Variants in PHACTR1 observed in about 807,000 individuals in gnomAD.
The protein encoded by PHACTR1 is RPEL repeat containing 1.
Under a neutral mutation model 69.2 loss-of-function variants are expected in PHACTR1, and 16 were observed. The observed-to-expected ratio is 0.23, with a 90% confidence interval of 0.16 to 0.35. PHACTR1 has a LOEUF of 0.35. PHACTR1 is among the 10% of genes least tolerant of loss of function. PHACTR1 has a pLI of 1.00. For synonymous variants in PHACTR1, 312 were observed against 284.5 expected, an observed-to-expected ratio of 1.10 and a Z score of -0.97; for missense variants, 510 against 734.7, an observed-to-expected ratio of 0.69 and a Z score of 3.54.
intron 7 of PHACTR1, among the ~76,000 whole-genome samples, chr6:13,205,533 A>C (rs943930111): frequency 1.3e-5 from 2 of 152,126 alleles, no homozygotes; most frequent in African/African-American, 4.8e-5. Context: ...CTGCCTCACT[A>C]TCTGGGCCGC....
chr6:13,268,928 A>C (rs1150623), intron 10 of PHACTR1, among the ~76,000 whole-genome samples: 96,582 of 152,088 alleles, frequency 0.64, 33,397 homozygotes, highest in Non-Finnish European at 0.8. Context: ...CAGCCTAGTT[A>C]ATAACAGAAT....
chr6:13,170,989 C>T (rs1583701849), intron 6 of PHACTR1, among the ~76,000 whole-genome samples: 1 of 152,298 alleles, frequency 6.6e-6, no homozygotes, highest in African/African-American at 2.4e-5. Context: ...TGCCTGTCAT[C>T]TCATAAAGGA....
At position 13,221,823 on chromosome 6, in the gene PHACTR1, G is replaced by A. The variant is rs542292207; in HGVS notation, c.987-5993G>A. Among the ~76,000 whole-genome samples the A allele has an allele frequency of 2.5e-3, 386 of 152,300 alleles. 2 individuals are homozygous for A. The highest frequency in any genetic ancestry group is 8.8e-3 in the African/African-American group (364 of 41,564). ...GAGGCCAAGGCAGGTGGATCACAAG[G>A]TTGGGAATTCAAGACCAGCCTGGCC... On this transcript the variant is annotated intron_variant, in intron 8 of 14. Transcript: ENST00000332995.
At chr6:12,907,892 C>T (rs1439070437) in intron 4 of PHACTR1, among the ~76,000 whole-genome samples, 1 of 152,144 alleles carries the variant, frequency 6.6e-6, no homozygotes, top group African/African-American at 2.4e-5. Context: ...TCCTTGAGGC[C>T]TTTTCTTACG....
chr6:13,235,213 G>A (rs141271090), intron 10 of PHACTR1, among the ~76,000 whole-genome samples: 221 of 151,848 alleles, frequency 1.5e-3, no homozygotes, highest in African/African-American at 5.1e-3. Context: ...CACCTACCCC[G>A]CCCCATGCAA....
chr6:13,087,374 C>G (rs1214186851), intron 5 of PHACTR1, among the ~76,000 whole-genome samples: 1 of 151,306 alleles, frequency 6.6e-6, no homozygotes, highest in Non-Finnish European at 1.5e-5. Context: ...TATTGTATAA[C>G]CATGATACCA....
chr6:12,801,200 G>A (rs74866420), intron 4 of PHACTR1, among the ~76,000 whole-genome samples: 1,581 of 152,232 alleles, frequency 0.01, 25 homozygotes, highest in African/African-American at 0.035. Context: ...TGTAGAAGGG[G>A]GAATGTATTA....
intron 4 of PHACTR1, among the ~76,000 whole-genome samples, chr6:12,932,465 C>T (rs1433094852): frequency 6.6e-6 from 1 of 152,056 alleles, no homozygotes; most frequent in East Asian, 1.9e-4. Flanking sequence ...AATATATAGG[C>T]CTTTTAAAAA....
At chr6:12,970,156 G>A (rs1224684584) in intron 4 of PHACTR1, among the ~76,000 whole-genome samples, 1 of 152,198 alleles carries the variant, frequency 6.6e-6, no homozygotes, top group Admixed American at 6.5e-5. Flanking sequence ...TGTGCTGTCT[G>A]TGGTTGGGGT....
chr6:12,914,004 G>A (rs1786689489), intron 4 of PHACTR1, among the ~76,000 whole-genome samples: 1 of 151,934 alleles, frequency 6.6e-6, no homozygotes, highest in Admixed American at 6.6e-5. Context: ...GAGTCTTGCT[G>A]TGTTGCCAGG....
At chr6:13,200,302 C>T (rs1765031557) in intron 7 of PHACTR1, among the ~76,000 whole-genome samples, 1 of 152,132 alleles carries the variant, frequency 6.6e-6, no homozygotes, top group South Asian at 2.1e-4. Context: ...CCTCCACCTC[C>T]TGGGTTCAAG....
rs543467594 is a variant in PHACTR1, at chr6:12,721,922, G to A, written c.103+3075G>A. On this transcript the variant is annotated intron_variant, in intron 3 of 14. Coordinates refer to ENST00000332995, the MANE Select transcript of PHACTR1 (RefSeq NM_030948.6). Reference sequence around the variant, plus strand: ...GGATTCAAGCTTGTATCGAACCAACGGCAAGGCTCCGAGGACCAGTGAAGG... The same window carrying A: ...GGATTCAAGCTTGTATCGAACCAACAGCAAGGCTCCGAGGACCAGTGAAGG... 3.9e-5 allele frequency among the ~76,000 whole-genome samples: 6 copies of A among 152,258 alleles called. No homozygotes were observed. In the South Asian group the frequency reaches 6.2e-4, roughly 16 times the overall value.
chr6:13,110,027 T>G (rs925205860), intron 5 of PHACTR1, among the ~76,000 whole-genome samples: 1 of 151,924 alleles, frequency 6.6e-6, no homozygotes, highest in Non-Finnish European at 1.5e-5. Context: ...ATCTTAAGCT[T>G]CTCTCAGTTT....
At chr6:13,061,675 C>A (rs1176276674) in intron 5 of PHACTR1, among the ~76,000 whole-genome samples, 1 of 152,134 alleles carries the variant, frequency 6.6e-6, no homozygotes, top group Non-Finnish European at 1.5e-5. Context: ...AGTAGACTAA[C>A]AACTATATAT....
intron 4 of PHACTR1, among the ~76,000 whole-genome samples, chr6:13,007,320 A>T (rs1182084124): frequency 6.6e-6 from 1 of 152,216 alleles, no homozygotes; most frequent in East Asian, 1.9e-4. Flanking sequence ...GGCTATGTTT[A>T]TCAGTCTATA....
At chr6:13,234,843 T>A (rs1771745040) in intron 10 of PHACTR1, among the ~76,000 whole-genome samples, 2 of 152,164 alleles carry the variant, frequency 1.3e-5, no homozygotes, top group Admixed American at 6.5e-5. Flanking sequence ...TTCACGTTGC[T>A]CCTCCTCCAT....
intron 3 of PHACTR1, chr6:12,749,345 G>T (rs751095336): frequency 6.3e-6 from 3 of 475,614 alleles, no homozygotes; most frequent in African/African-American, 2.0e-5. Flanking sequence ...CGGCCCTGTG[G>T]CTGGGAGAGG....
intron 4 of PHACTR1, among the ~76,000 whole-genome samples, chr6:12,978,052 T>G (rs1795100089): frequency 6.6e-6 from 1 of 152,250 alleles, no homozygotes; most frequent in Admixed American, 6.5e-5. Flanking sequence ...CTCCCGTATC[T>G]TCAAGGCAAA....
At chr6:12,919,185 C>T (rs1370466991) in intron 4 of PHACTR1, among the ~76,000 whole-genome samples, 1 of 151,990 alleles carries the variant, frequency 6.6e-6, no homozygotes, top group African/African-American at 2.4e-5. Context: ...CTCTATTGCC[C>T]AGGCTGGAGT....
Sources: gnomAD v4.1 joint callset for allele counts (sites outside exome capture counted in the v4.1 genomes callset) on GRCh38, gnomAD v4.1.1 for gene constraint, MANE v1.5 for transcripts, NCBI Gene and HGNC (gene_info 2026-07-23, HGNC 2026-07-21) for gene names.